The following MGLL variants were observed in gnomAD, a reference collection of about 807,000 sequenced individuals.
MGLL encodes lysophospholipase homolog.
In MGLL, 7 loss-of-function variants were observed where a neutral mutation model predicts 29.1. The ratio of observed to expected loss-of-function variants is 0.24; its 90% CI spans 0.14 to 0.45. MGLL has a LOEUF of 0.45. Ranked by LOEUF, MGLL falls within the 20% of genes least tolerant of loss-of-function variation. The pLI is 0.99. For synonymous variants in MGLL, 148 were observed against 168.3 expected, an observed-to-expected ratio of 0.88 and a Z score of 0.93; for missense variants, 356 against 413.6, an observed-to-expected ratio of 0.86 and a Z score of 1.21.
chr3:127,792,392 T>C (rs748345881), intron 2 of MGLL, among the ~76,000 whole-genome samples: 1 of 152,120 alleles, frequency 6.6e-6, no homozygotes, highest in Non-Finnish European at 1.5e-5. Flanking sequence ...AGTGCCTCAG[T>C]TGGAAAACAG....
intron 3 of MGLL, among the ~76,000 whole-genome samples, chr3:127,752,914 T>A (rs1337689321): frequency 6.6e-6 from 1 of 152,216 alleles, no homozygotes; most frequent in Non-Finnish European, 1.5e-5. Flanking sequence ...GAAGTGGCTA[T>A]ATTTTTCTAA....
chr3:127,816,974 G>A (rs2077768702), intron 2 of MGLL, among the ~76,000 whole-genome samples: 1 of 152,234 alleles, frequency 6.6e-6, no homozygotes, highest in Admixed American at 6.5e-5. Context: ...TCACCGACGG[G>A]AAAATCCTGA....
At chr3:127,722,217 C>T (rs930568901) in intron 4 of MGLL, among the ~76,000 whole-genome samples, 3 of 152,218 alleles carry the variant, frequency 2.0e-5, no homozygotes, top group African/African-American at 7.2e-5. Context: ...CCAAGAGGCC[C>T]CGTATTCAAG....
At chr3:127,715,876 A>G (rs1268965937) in intron 5 of MGLL, 1 of 454,188 alleles carries the variant, frequency 2.2e-6, no homozygotes, top group South Asian at 1.6e-5. Flanking sequence ...GGAATCCAAA[A>G]CTTTAACATT....
At chr3:127,706,880 C>T (rs902544922) in intron 6 of MGLL, among the ~76,000 whole-genome samples, 5 of 152,152 alleles carry the variant, frequency 3.3e-5, no homozygotes, top group Non-Finnish European at 7.3e-5. Context: ...ACGCTTAAGT[C>T]GAAGGCCTCA....
intron 3 of MGLL, among the ~76,000 whole-genome samples, chr3:127,760,320 G>C (rs2076740588): frequency 6.6e-6 from 1 of 152,216 alleles, no homozygotes; most frequent in Admixed American, 6.5e-5. Context: ...CCACCCAGCA[G>C]GTTCACATAA....
chr3:127,802,463 CA>C (rs1465234015), intron 2 of MGLL, among the ~76,000 whole-genome samples: 2 of 152,202 alleles, frequency 1.3e-5, no homozygotes, highest in African/African-American at 4.8e-5. Context: ...CCTACAGGTG[CA>C]GAAAATATGT....
chr3:127,772,889 A>C (rs2107697013), intron 3 of MGLL, among the ~76,000 whole-genome samples: 1 of 152,322 alleles, frequency 6.6e-6, no homozygotes, highest in East Asian at 1.9e-4. Context: ...GTGAGAAAGC[A>C]TCATCTATGA....
At chr3:127,804,317 G>A (rs1346366720) in intron 2 of MGLL, among the ~76,000 whole-genome samples, 1 of 152,256 alleles carries the variant, frequency 6.6e-6, no homozygotes, top group Non-Finnish European at 1.5e-5. Context: ...CAGGGCCACG[G>A]GGCGGACCAG....
At chr3:127,784,868 C>G (rs916003943) in intron 2 of MGLL, among the ~76,000 whole-genome samples, 1 of 152,324 alleles carries the variant, frequency 6.6e-6, no homozygotes, top group African/African-American at 2.4e-5. Flanking sequence ...GAAATCAAAT[C>G]ATGTTACCCT....
intron 5 of MGLL, 103 bp from the exon 6 acceptor site, chr3:127,710,768 C>T (rs1219197963): frequency 1.8e-5 from 19 of 1,066,882 alleles, no homozygotes; most frequent in Middle Eastern, 2.1e-4. Context: ...GATGCCCAAA[C>T]TGAACATCAG....
intron 2 of MGLL, among the ~76,000 whole-genome samples, chr3:127,790,489 C>T (rs1202319805): frequency 1.3e-5 from 2 of 152,128 alleles, no homozygotes; most frequent in South Asian, 2.1e-4. Context: ...CTGTCGTGGA[C>T]GATTTACTCC....
intron 3 of MGLL, among the ~76,000 whole-genome samples, chr3:127,769,516 C>T (rs1422665849): frequency 6.6e-6 from 1 of 152,238 alleles, no homozygotes; most frequent in East Asian, 1.9e-4. Flanking sequence ...GGAGGTAGTG[C>T]ATCCTCCCCA....
intron 3 of MGLL, among the ~76,000 whole-genome samples, chr3:127,770,619 C>T (rs537596142): frequency 6.6e-6 from 1 of 152,216 alleles, no homozygotes; most frequent in Admixed American, 6.5e-5. Context: ...GCGTGAGGGC[C>T]AGGTGCAGCT....
chr3:127,799,169 G>A (rs530899622), intron 2 of MGLL, among the ~76,000 whole-genome samples: 50 of 152,296 alleles, frequency 3.3e-4, no homozygotes, highest in African/African-American at 1.1e-3. Flanking sequence ...GGACACTCAC[G>A]GCTGTGGAGC....
chr3:127,814,674 C>T (rs1209754904), intron 2 of MGLL, among the ~76,000 whole-genome samples: 3 of 152,208 alleles, frequency 2.0e-5, no homozygotes, highest in East Asian at 3.8e-4. Context: ...AACATTCTTA[C>T]AGCAACTGGA....
intron 3 of MGLL, among the ~76,000 whole-genome samples, chr3:127,754,591 G>A (rs936021944): frequency 6.6e-5 from 10 of 152,190 alleles, no homozygotes; most frequent in African/African-American, 1.2e-4. Flanking sequence ...GAGGGCTGGC[G>A]GGCTGGGATC....
At chr3:127,705,787 AAAAAG>A (rs1162146799) in intron 6 of MGLL, among the ~76,000 whole-genome samples, 1 of 151,690 alleles carries the variant, frequency 6.6e-6, no homozygotes, top group Admixed American at 6.6e-5. Flanking sequence ...AAAAAAAAAA[AAAAAG>A]AAGAAGAAGA....
chr3:127,731,640 T>A (rs2107641442), intron 3 of MGLL, among the ~76,000 whole-genome samples: 1 of 152,198 alleles, frequency 6.6e-6, no homozygotes, highest in Non-Finnish European at 1.5e-5. Flanking sequence ...AGCCCTGAAA[T>A]TCTTCAAACT....
Sources: gnomAD v4.1 joint callset for allele counts (sites outside exome capture counted in the v4.1 genomes callset) on GRCh38, gnomAD v4.1.1 for gene constraint, MANE v1.5 for transcripts, NCBI Gene and HGNC (gene_info 2026-07-23, HGNC 2026-07-21) for gene names.